The following NNT variants were observed in gnomAD, a reference collection of about 807,000 sequenced individuals.
NNT encodes nicotinamide nucleotide transhydrogenase, also known as NAD(P) transhydrogenase, mitochondrial.
NNT carries 50 observed loss-of-function variants against 104.8 expected under a neutral mutation model. The observed-to-expected ratio is 0.48, with a 90% CI of 0.38 to 0.60. NNT has a LOEUF of 0.60. NNT is among the 20% of genes least tolerant of loss of function. The probability of loss-of-function intolerance (pLI) is 0.00; values close to 1 mark genes in which losing one functional copy is unlikely to be tolerated. For missense variants in NNT, 1,131 were observed against 1,330.7 expected, an observed-to-expected ratio of 0.85 and a Z score of 2.33; for synonymous variants, 461 against 490.4, an observed-to-expected ratio of 0.94 and a Z score of 0.79.
chr5:43,649,037 G>T, intron 10 of NNT, 110 bp from the exon 11 acceptor site: 1 of 1,227,000 alleles, frequency 8.1e-7, no homozygotes, highest in South Asian at 1.4e-5. Context: ...TACTGGCAAG[G>T]GAGTGGAATT....
intron 7 of NNT, among the ~76,000 whole-genome samples, chr5:43,641,502 C>G (rs1751240079): frequency 6.6e-6 from 1 of 151,942 alleles, no homozygotes; most frequent in African/African-American, 2.4e-5. Flanking sequence ...CAAATATACC[C>G]TGATTTTGTT....
In NNT at chr5:43,615,874, A is replaced by T. The variant is rs781393398; in HGVS notation, c.408A>T (p.Thr136=). Residue 136 remains threonine (T), a synonymous_variant, in exon 4 of 22, where the codon ACA becomes ACT. Coordinates refer to ENST00000344920, the MANE Select transcript of NNT (RefSeq NM_182977.3). The part of the protein sequence containing the change: ...VKVRAPMVNP[T]LGVHEADLLK... ...TGCGAGCCCCTATGGTTAATCCAAC[A>T]TTAGGTGTTCATGAAGCTGACCTTT... 3.1e-6 allele frequency: 5 copies of T among 1,614,108 alleles called. No homozygotes were observed. Among genetic ancestry groups the T allele is most frequent in the Admixed American group, 1.7e-5 (1 of 60,018 alleles).
At chr5:43,623,689 C>A (rs7709214) in intron 5 of NNT, among the ~76,000 whole-genome samples, 2,105 of 152,250 alleles carry the variant, frequency 0.014, 42 homozygotes, top group African/African-American at 0.043. Context: ...GTAGAAGGAA[C>A]TTTTAGACAG....
intron 19 of NNT, among the ~76,000 whole-genome samples, chr5:43,690,435 G>A (rs570216266): frequency 1.3e-5 from 2 of 152,298 alleles, no homozygotes; most frequent in East Asian, 3.9e-4. Flanking sequence ...GGGAAGAGCA[G>A]TGGGCCTGGT....
At chr5:43,631,442 C>T (rs1006584458) in intron 7 of NNT, among the ~76,000 whole-genome samples, 2 of 152,166 alleles carry the variant, frequency 1.3e-5, no homozygotes, top group Non-Finnish European at 2.9e-5. Context: ...ATGCTGCAGC[C>T]ACCATCTGAC....
intron 17 of NNT, among the ~76,000 whole-genome samples, chr5:43,665,662 C>G (rs185649478): frequency 6.6e-6 from 1 of 152,092 alleles, no homozygotes; most frequent in East Asian, 1.9e-4. Flanking sequence ...ACAATCTGAT[C>G]TCTCTTTTCC....
chr5:43,665,966 C>T (rs908853847), intron 17 of NNT, among the ~76,000 whole-genome samples: 5 of 150,852 alleles, frequency 3.3e-5, no homozygotes, highest in Admixed American at 6.6e-5. Context: ...GGTCGCGCCC[C>T]GGCAGAGGCG....
intron 16 of NNT, among the ~76,000 whole-genome samples, chr5:43,658,147 A>C (rs993825087): frequency 1.3e-5 from 2 of 152,092 alleles, no homozygotes; most frequent in African/African-American, 4.8e-5. Context: ...AAAAAAAGAA[A>C]GAAAAAAAGA....
At chr5:43,626,992 C>A (rs181430880) in intron 6 of NNT, among the ~76,000 whole-genome samples, 2 of 152,206 alleles carry the variant, frequency 1.3e-5, no homozygotes, top group East Asian at 3.9e-4. Context: ...AAATGGAACA[C>A]CAACTCAGAT....
intron 19 of NNT, among the ~76,000 whole-genome samples, chr5:43,697,630 A>T (rs1742626625): frequency 6.6e-6 from 1 of 152,196 alleles, no homozygotes. Context: ...TAAAAGAAGG[A>T]GGTTTAATGG....
intron 17 of NNT, among the ~76,000 whole-genome samples, chr5:43,665,431 TG>T: frequency 6.6e-6 from 1 of 152,080 alleles, no homozygotes; most frequent in South Asian, 2.1e-4. Context: ...GGAGTGGTGA[TG>T]ACTCTTAACG....
chr5:43,704,190 G>A, intron 21 of NNT, 65 bp from the exon 22 acceptor site: 5 of 1,426,728 alleles, frequency 3.5e-6, no homozygotes, highest in South Asian at 3.0e-5. Context: ...AGCAATGTTT[G>A]TTTGCCTAAC....
In NNT at chr5:43,700,207, G is replaced by A; in HGVS notation, c.2965G>A (p.Glu989Lys). ...TGGTGTGCCATATGACATTGTGTTG[G>A]AAATGGATGAGATCAACCATGATTT... ...EAGVPYDIVL[E>K]MDEINHDFPD... Residue 989 changes from glutamate (E) to lysine (K), a missense_variant, in exon 20 of 22, where the codon GAA becomes AAA. By Grantham distance (56) the Glu-to-Lys change is moderately conservative. Coordinates refer to ENST00000344920, the MANE Select transcript of NNT (RefSeq NM_182977.3). 6.2e-7 allele frequency: 1 copy of A among 1,613,440 alleles called. No homozygotes were observed. The highest frequency in any genetic ancestry group is 8.5e-7 in the Non-Finnish European group (1 of 1,179,582).
chr5:43,707,119 T>C lies in NNT; in HGVS notation c.*2715T>C, dbSNP rs1264462584. On this transcript the variant is annotated 3_prime_UTR_variant, in exon 22 of 22. Transcript: ENST00000344920. ...ATGTACCCTAGAACTTAAAGTATAATTAAAAAAAAAAAGAAAACAGAAGCT... is the reference window on the plus strand; with the variant it reads ...ATGTACCCTAGAACTTAAAGTATAACTAAAAAAAAAAAGAAAACAGAAGCT... 6.8e-6 allele frequency: 1 copy of C among 147,446 alleles called. No homozygotes were observed. The highest frequency in any genetic ancestry group is 1.5e-5 in the Non-Finnish European group (1 of 67,164). The allele number at this position is 147,446 out of a possible 1,614,324, so 9.1% of individuals were successfully genotyped here. A position where few individuals can be genotyped will look rare whatever the true frequency, so the allele number is the denominator to read the frequency against.
chr5:43,604,525 A>G (rs1289954233), intron 1 of NNT, among the ~76,000 whole-genome samples: 5 of 152,214 alleles, frequency 3.3e-5, no homozygotes, highest in African/African-American at 1.2e-4. Context: ...CTCAATAGGT[A>G]CTTAGGCTTA....
At chr5:43,692,890 G>A (rs1300207094) in intron 19 of NNT, among the ~76,000 whole-genome samples, 1 of 151,958 alleles carries the variant, frequency 6.6e-6, no homozygotes, top group Non-Finnish European at 1.5e-5. Context: ...TGTGTCATAT[G>A]TGCCTTTAAA....
At chr5:43,673,224 G>T (rs1741225715) in intron 17 of NNT, among the ~76,000 whole-genome samples, 1 of 152,218 alleles carries the variant, frequency 6.6e-6, no homozygotes, top group African/African-American at 2.4e-5. Context: ...CTGACCCCTT[G>T]TGCTTCCCAG....
At chr5:43,681,737 C>T (rs1741730985) in intron 19 of NNT, among the ~76,000 whole-genome samples, 1 of 152,164 alleles carries the variant, frequency 6.6e-6, no homozygotes, top group African/African-American at 2.4e-5. Flanking sequence ...TTATGTATTG[C>T]TTTCATGTTA....
At chr5:43,697,139 A>T (rs1024106542) in intron 19 of NNT, among the ~76,000 whole-genome samples, 7 of 152,160 alleles carry the variant, frequency 4.6e-5, no homozygotes, top group Non-Finnish European at 1.0e-4. Context: ...TTTCTTTCTA[A>T]AACTGAATGC....
Sources: allele counts gnomAD v4.1 joint callset (sites outside exome capture counted in the v4.1 genomes callset), GRCh38; gene constraint gnomAD v4.1.1; transcripts MANE v1.5; gene names NCBI Gene and HGNC (gene_info 2026-07-23, HGNC 2026-07-21).